The following PPP1R9A variants were observed in gnomAD, a reference collection of about 807,000 sequenced individuals.
PPP1R9A encodes the protein protein phosphatase 1 regulatory subunit 9A, also known as neurabin-1.
A neutral mutation model predicts 141.9 loss-of-function variants in PPP1R9A; 59 were observed. The observed-to-expected ratio is 0.42, with a 90% confidence interval of 0.34 to 0.52. The LOEUF is 0.52. Among genes scored for constraint, PPP1R9A ranks in the 20% least tolerant of loss-of-function variants. The pLI is 0.10. For missense variants in PPP1R9A, 1,444 were observed against 1,611.9 expected, an observed-to-expected ratio of 0.90 and a Z score of 1.78; for synonymous variants, 500 against 569.7, an observed-to-expected ratio of 0.88 and a Z score of 1.74.
intron 2 of PPP1R9A, among the ~76,000 whole-genome samples, chr7:94,925,153 C>G (rs1164791792): frequency 6.6e-6 from 1 of 152,074 alleles, no homozygotes; most frequent in East Asian, 1.9e-4. Flanking sequence ...GCTAGAGATT[C>G]AGGGAAGAGC....
intron 12 of PPP1R9A, among the ~76,000 whole-genome samples, chr7:95,267,171 A>C (rs937368631): frequency 1.3e-5 from 2 of 152,140 alleles, no homozygotes; most frequent in Non-Finnish European, 2.9e-5. Context: ...TTCATAGACA[A>C]GAGGCACAAA....
At chr7:95,009,288 CTT>C (rs2151603293) in intron 2 of PPP1R9A, among the ~76,000 whole-genome samples, 1 of 152,266 alleles carries the variant, frequency 6.6e-6, no homozygotes, top group Admixed American at 6.5e-5. Flanking sequence ...TACACTAGAA[CTT>C]AAAGTATAAT....
chr7:95,010,916 T>C (rs936582723), intron 2 of PPP1R9A, among the ~76,000 whole-genome samples: 1 of 152,162 alleles, frequency 6.6e-6, no homozygotes, highest in Non-Finnish European at 1.5e-5. Context: ...CATAAAGATA[T>C]ACAAGTACCA....
intron 3 of PPP1R9A, among the ~76,000 whole-genome samples, chr7:95,119,574 C>A (rs1368261372): frequency 6.6e-6 from 1 of 152,100 alleles, no homozygotes; most frequent in Admixed American, 6.5e-5. Flanking sequence ...CCCACGTCAG[C>A]CCCCAAACAG....
intron 2 of PPP1R9A, among the ~76,000 whole-genome samples, chr7:95,081,400 GA>G (rs1210965813): frequency 2.8e-4 from 42 of 152,042 alleles, no homozygotes; most frequent in Non-Finnish European, 1.5e-5. Flanking sequence ...AGGTGCTAGA[GA>G]AAAACGTATT....
chr7:95,241,873 A>T (rs1437454248), intron 8 of PPP1R9A, among the ~76,000 whole-genome samples: 2 of 152,112 alleles, frequency 1.3e-5, no homozygotes, highest in East Asian at 1.9e-4. Flanking sequence ...TTACTTATTT[A>T]AAAAAGAGCT....
At chr7:95,083,202 C>T (rs1816163333) in intron 2 of PPP1R9A, among the ~76,000 whole-genome samples, 1 of 151,888 alleles carries the variant, frequency 6.6e-6, no homozygotes. Context: ...ACAGGTAAAT[C>T]TGTGTATTTT....
intron 5 of PPP1R9A, among the ~76,000 whole-genome samples, chr7:95,183,479 C>T (rs1201343986): frequency 2.3e-4 from 27 of 119,530 alleles, no homozygotes; most frequent in African/African-American, 8.7e-4. Flanking sequence ...GAGACAGAGT[C>T]TTGCTCTGTT....
chr7:95,008,826 A>C (rs998968575), intron 2 of PPP1R9A, among the ~76,000 whole-genome samples: 1 of 152,190 alleles, frequency 6.6e-6, no homozygotes, highest in African/African-American at 2.4e-5. Context: ...ATTATAAATC[A>C]TGCTACTATA....
In PPP1R9A at chr7:95,111,308, T is replaced by A; in HGVS notation, c.1445T>A (p.Val482Asp). Residue 482 changes from valine (V) to aspartate (D), a missense_variant, in exon 3 of 20, where the codon GTT becomes GAT. This residue lies in a region of PPP1R9A where 488 missense variants were observed against 542.0 expected (regional missense o/e 0.90). Coordinates refer to ENST00000433360, the MANE Select transcript of PPP1R9A (RefSeq NM_001166160.2). Reference protein sequence around the residue: ...NEDYDRRNDEVDPVAASAEYE... With the variant: ...NEDYDRRNDEDDPVAASAEYE... The stretch of plus-strand genomic sequence containing the variant: ...GACTATGACAGGAGAAATGACGAAG[T>A]TGACCCTGTGGCTGCTTCAGCTGAG... 6.2e-7 allele frequency: 1 copy of A among 1,613,258 alleles called. No individual in the cohort carries two copies. The highest frequency in any genetic ancestry group is 8.5e-7 in the Non-Finnish European group (1 of 1,179,330).
chr7:95,192,387 G>T (rs1007167127), intron 5 of PPP1R9A, among the ~76,000 whole-genome samples: 3 of 151,896 alleles, frequency 2.0e-5, no homozygotes, highest in African/African-American at 7.2e-5. Context: ...TAACTGGATA[G>T]ATAGGAAATG....
chr7:95,216,125 A>C (rs1793353427), intron 7 of PPP1R9A, among the ~76,000 whole-genome samples: 1 of 152,184 alleles, frequency 6.6e-6, no homozygotes, highest in African/African-American at 2.4e-5. Flanking sequence ...TTAAGTCTTT[A>C]ATCCATCTTG....
chr7:95,177,559 C>G (rs548473108), intron 5 of PPP1R9A, among the ~76,000 whole-genome samples: 39 of 152,148 alleles, frequency 2.6e-4, no homozygotes, highest in African/African-American at 7.9e-4. Flanking sequence ...TGTAAATGGC[C>G]TAAATGCTCC....
At chr7:95,237,805 T>C (rs1672716139) in intron 8 of PPP1R9A, among the ~76,000 whole-genome samples, 1 of 152,168 alleles carries the variant, frequency 6.6e-6, no homozygotes, top group African/African-American at 2.4e-5. Context: ...TAACTCTGGC[T>C]TTCTTTTGCT....
rs758994069 is a variant in PPP1R9A at position 94,910,290 on chromosome 7, T to C, written c.177T>C (p.Tyr59=). The C allele has an allele frequency of 3.1e-6, 5 of 1,614,026 alleles. No individual in the cohort carries two copies. Among genetic ancestry groups the C allele is most frequent in the South Asian group, 1.1e-5 (1 of 91,062 alleles). The change falls in exon 2 of 20, where the codon TAT becomes TAC. Residue 59 remains tyrosine (Y), a synonymous_variant. Transcript: ENST00000433360. The surrounding 1 kb of genome is among the most constrained non-coding windows in gnomAD (Gnocchi z 4.5). ...EGSQQSRGRK[Y]GSNVNRIKNL... The stretch of plus-strand genomic sequence containing the variant: ...CCCAGCAGAGCAGGGGGAGGAAATA[T>C]GGCTCCAATGTCAACAGAATTAAAA...
At chr7:95,042,758 TATC>T (rs1475477573) in intron 2 of PPP1R9A, among the ~76,000 whole-genome samples, 8 of 152,192 alleles carry the variant, frequency 5.3e-5, no homozygotes, top group Admixed American at 5.2e-4. Context: ...AGGTGAAAGA[TATC>T]ATCAAGCTGA....
chr7:95,271,724 G>A (rs1802207173), intron 14 of PPP1R9A, among the ~76,000 whole-genome samples: 1 of 152,142 alleles, frequency 6.6e-6, no homozygotes, highest in African/African-American at 2.4e-5. Flanking sequence ...AAACCAGGTT[G>A]CCACAGCTTA....
At position 95,168,890 on chromosome 7, in the gene PPP1R9A, G is replaced by A. The variant is rs189973499; in HGVS notation, c.1754+6919G>A. On this transcript the variant is annotated intron_variant, in intron 5 of 19. Coordinates refer to ENST00000433360, the MANE Select transcript of PPP1R9A (RefSeq NM_001166160.2). ...ATTAAAGAGACAAAAGGTAACAGAC[G>A]CTGACAAGGATGTGGAGAAAAAGGA... Among the ~76,000 whole-genome samples, 84 of 152,134 alleles carry A rather than the reference G, an allele frequency of 5.5e-4. 1 individual carries two copies. The highest frequency in any genetic ancestry group is 7.4e-4 in the Non-Finnish European group (50 of 67,938).
chr7:95,055,827 G>A (rs1007444191), intron 2 of PPP1R9A, among the ~76,000 whole-genome samples: 32 of 152,138 alleles, frequency 2.1e-4, no homozygotes, highest in African/African-American at 7.5e-4. Context: ...CTCAACATAC[G>A]TTAGGAATTT....
Sources: allele counts gnomAD v4.1 joint callset (sites outside exome capture counted in the v4.1 genomes callset), GRCh38; gene constraint gnomAD v4.1.1; regional missense constraint gnomAD v4.1.1; non-coding constraint Gnocchi (gnomAD v3.1); transcripts MANE v1.5; gene names NCBI Gene and HGNC (gene_info 2026-07-23, HGNC 2026-07-21).